Variants in ZBTB7C observed in about 807,000 individuals in gnomAD.
ZBTB7C encodes zinc finger and BTB domain-containing protein 7C.
A neutral mutation model predicts 25.7 loss-of-function variants in ZBTB7C; 8 were observed. The observed-to-expected ratio is 0.31, with a 90% CI of 0.18 to 0.56. The LOEUF (loss-of-function observed/expected upper bound fraction) is 0.56. Ranked by LOEUF, ZBTB7C falls within the 20% of genes least tolerant of loss-of-function variation. The pLI is 0.91. For missense variants in ZBTB7C, 824 were observed against 855.2 expected (o/e 0.96, Z 0.46); for synonymous variants, 394 against 369.0 (o/e 1.07, Z -0.78).
intron 3 of ZBTB7C, chr18:48,041,644 T>G (rs1418583347): frequency 1.6e-6 from 1 of 642,756 alleles, no homozygotes; most frequent in Non-Finnish European, 1.9e-6. Flanking sequence ...GTGGCCCATT[T>G]TCAGCAAGTA....
chr18:48,217,235 G>A (rs995387057), intron 2 of ZBTB7C, among the ~76,000 whole-genome samples: 6 of 152,166 alleles, frequency 3.9e-5, no homozygotes, highest in Non-Finnish European at 8.8e-5. Context: ...GGCAGCCTGA[G>A]CAAACGAAAA....
intron 3 of ZBTB7C, chr18:48,162,239 T>TA: frequency 2.4e-6 from 1 of 410,560 alleles, no homozygotes; most frequent in East Asian, 7.3e-5. Context: ...TGCAGCCTTC[T>TA]ACCTTCTACC....
At chr18:48,329,189 A>G (rs751519534) in intron 2 of ZBTB7C, among the ~76,000 whole-genome samples, 8 of 152,332 alleles carry the variant, frequency 5.3e-5, no homozygotes, top group Admixed American at 1.3e-4. Flanking sequence ...CAGGGCACAC[A>G]TTGATCAATT....
At chr18:48,142,178 C>G (rs779934700) in intron 3 of ZBTB7C, among the ~76,000 whole-genome samples, 3 of 152,252 alleles carry the variant, frequency 2.0e-5, no homozygotes, top group Non-Finnish European at 4.4e-5. Flanking sequence ...CATCAAACTC[C>G]TCCACTTCTT....
At chr18:48,057,566 C>T (rs540949596) in intron 3 of ZBTB7C, among the ~76,000 whole-genome samples, 2 of 152,320 alleles carry the variant, frequency 1.3e-5, no homozygotes, top group East Asian at 3.9e-4. Flanking sequence ...GGTTGGAAGG[C>T]TGCCAGTGAG....
At chr18:48,410,396 A>G (rs1262196682), upstream of ZBTB7C, among the ~76,000 whole-genome samples, 1 of 152,108 alleles carries the variant, frequency 6.6e-6, no homozygotes, top group African/African-American at 2.4e-5. Flanking sequence ...GGCCTTCCGA[A>G]GCGTCCAATC....
At chr18:48,256,415 A>G (rs967917789) in intron 2 of ZBTB7C, among the ~76,000 whole-genome samples, 2 of 151,116 alleles carry the variant, frequency 1.3e-5, no homozygotes, top group Admixed American at 6.6e-5. Flanking sequence ...AATTTTCTAC[A>G]TGGTGAAAAT....
intron 3 of ZBTB7C, among the ~76,000 whole-genome samples, chr18:48,052,621 C>G (rs944147507): frequency 6.6e-6 from 1 of 152,008 alleles, no homozygotes; most frequent in African/African-American, 2.4e-5. Context: ...AGAGAAAGGC[C>G]GGGAGCATGA....
chr18:48,217,918 G>T (rs2042863409), intron 2 of ZBTB7C, among the ~76,000 whole-genome samples: 1 of 152,076 alleles, frequency 6.6e-6, no homozygotes, highest in African/African-American at 2.4e-5. Flanking sequence ...ACCGTCCCAG[G>T]GGGAGCCCTG....
At position 48,399,509 on chromosome 18, in the gene ZBTB7C, G is replaced by A. The variant is rs976179857; in HGVS notation, c.-304+9717C>T. On this transcript the variant is annotated intron_variant, in intron 1 of 4. Transcript: ENST00000590800. ...GCAGGAGAAAAATTGAGGAGGCACC[G>A]TGGCTGCAGAAGGACTGGCCGGTGG... Among the ~76,000 whole-genome samples, 19 of 152,326 alleles carry A rather than the reference G, an allele frequency of 1.2e-4. No individual in the cohort carries two copies. In the South Asian group the frequency reaches 2.3e-3, roughly 18 times the overall value.
chr18:48,228,369 C>T (rs1019651761), intron 2 of ZBTB7C, among the ~76,000 whole-genome samples: 3 of 152,192 alleles, frequency 2.0e-5, no homozygotes, highest in Non-Finnish European at 4.4e-5. Context: ...CCAAGCCTGC[C>T]TCTGGCCAGG....
chr18:48,108,634 G>T (rs1003005197), intron 3 of ZBTB7C, among the ~76,000 whole-genome samples: 4 of 152,044 alleles, frequency 2.6e-5, no homozygotes, highest in African/African-American at 7.2e-5. Flanking sequence ...TAGAGACAGG[G>T]TCTTGCTTTG....
Position 48,081,498 on chromosome 18 carries a change from G to A in ZBTB7C, c.-16-40375C>T, listed in dbSNP as rs574261781. Reference sequence around the variant, plus strand: ...GGTTGAGATAGAGTCTCACTCTGTCGCCCAGGCTGGAGTGCAGTGGTGCAA... The same window carrying A: ...GGTTGAGATAGAGTCTCACTCTGTCACCCAGGCTGGAGTGCAGTGGTGCAA... On this transcript the variant is annotated intron_variant, in intron 3 of 4. Coordinates refer to ENST00000590800, the MANE Select transcript of ZBTB7C (RefSeq NM_001318841.2). 2.2e-4 allele frequency among the ~76,000 whole-genome samples: 32 copies of A among 148,210 alleles called. 1 individual carries two copies. In the South Asian group the frequency reaches 5.8e-3, roughly 27 times the overall value.
In ZBTB7C at chr18:48,219,481, G is replaced by T. The variant is rs117726240; in HGVS notation, c.-78-33486C>A. Among the ~76,000 whole-genome samples, 103 of 152,312 alleles carry T rather than the reference G, an allele frequency of 6.8e-4. 1 individual carries two copies. The East Asian group carries it at 0.018, about 26-fold the overall frequency. On this transcript the variant is annotated intron_variant, in intron 2 of 4. Transcript: ENST00000590800. The stretch of plus-strand genomic sequence containing the variant: ...ACCATATCATTCCCACATTCCAGGT[G>T]GGGACACTGAGGTACACAGCTTAAG...
At chr18:48,103,706 G>A (rs899566314) in intron 3 of ZBTB7C, among the ~76,000 whole-genome samples, 1 of 152,018 alleles carries the variant, frequency 6.6e-6, no homozygotes, top group African/African-American at 2.4e-5. Flanking sequence ...ACTGGTGAAT[G>A]GATAAACAAA....
At chr18:48,222,097 G>T (rs2042978482) in intron 2 of ZBTB7C, among the ~76,000 whole-genome samples, 1 of 150,176 alleles carries the variant, frequency 6.7e-6, no homozygotes, top group African/African-American at 2.5e-5. Context: ...AGTCTCCTCT[G>T]TACTGTCCTA....
At chr18:48,270,648 C>A (rs1466728371) in intron 2 of ZBTB7C, among the ~76,000 whole-genome samples, 3 of 149,510 alleles carry the variant, frequency 2.0e-5, no homozygotes, top group African/African-American at 7.4e-5. Flanking sequence ...CAAGATTGCA[C>A]CACTGCACTC....
chr18:48,324,042 G>A (rs1568376446), intron 2 of ZBTB7C, among the ~76,000 whole-genome samples: 3 of 152,168 alleles, frequency 2.0e-5, no homozygotes, highest in Non-Finnish European at 4.4e-5. Flanking sequence ...GACGGTACAG[G>A]AAGGCACCAT....
At chr18:48,226,402 A>T (rs1324685661) in intron 2 of ZBTB7C, among the ~76,000 whole-genome samples, 1 of 152,198 alleles carries the variant, frequency 6.6e-6, no homozygotes, top group East Asian at 1.9e-4. Flanking sequence ...AATCAATCAC[A>T]ATCAACCATA....
Sources: gnomAD v4.1 joint callset for allele counts (sites outside exome capture counted in the v4.1 genomes callset) on GRCh38, gnomAD v4.1.1 for gene constraint, MANE v1.5 for transcripts, NCBI Gene and HGNC (gene_info 2026-07-23, HGNC 2026-07-21) for gene names.